Variants in ADGRB3 observed in about 807,000 individuals in gnomAD.
ADGRB3 encodes the protein adhesion G protein-coupled receptor B3, also known as brain-specific angiogenesis inhibitor 3.
Under a neutral mutation model 193.4 loss-of-function variants are expected in ADGRB3, and 37 were observed. The ratio of observed to expected loss-of-function variants is 0.19; its 90% CI spans 0.15 to 0.25. The LOEUF (loss-of-function observed/expected upper bound fraction) is 0.25. ADGRB3 is among the 10% of genes least tolerant of loss of function. ADGRB3 has a pLI of 1.00. For synonymous variants in ADGRB3, 690 were observed against 644.2 expected (o/e 1.07, Z -1.08); for missense variants, 1,637 against 1,852.9 (o/e 0.88, Z 2.14).
chr6:69,060,193 T>G (rs914190363), intron 15 of ADGRB3, among the ~76,000 whole-genome samples: 3 of 148,534 alleles, frequency 2.0e-5, no homozygotes, highest in African/African-American at 7.4e-5. Flanking sequence ...TCTTTCTCTC[T>G]CTCTCTTTCT....
chr6:69,363,137 C>A (rs1243454348), intron 29 of ADGRB3, among the ~76,000 whole-genome samples: 1 of 151,864 alleles, frequency 6.6e-6, no homozygotes, highest in Non-Finnish European at 1.5e-5. Flanking sequence ...CCAAGAACTT[C>A]TTTCTTCAGT....
At chr6:69,226,736 A>T (rs1302657619) in intron 17 of ADGRB3, among the ~76,000 whole-genome samples, 1 of 152,252 alleles carries the variant, frequency 6.6e-6, no homozygotes. Context: ...TGGTATAATT[A>T]AAGAGGCTGC....
At position 68,981,514 on chromosome 6, in the gene ADGRB3, T is replaced by C. The variant is rs932629785; in HGVS notation, c.1734+6174T>C. ...ATTATGCCTGTAAAACTTTCAATTG[T>C]ATTGACTTTATGTATTGTATTATAA... On this transcript the variant is annotated intron_variant, in intron 10 of 31. Coordinates refer to ENST00000370598, the MANE Select transcript of ADGRB3 (RefSeq NM_001704.3). 1.9e-4 allele frequency among the ~76,000 whole-genome samples: 29 copies of C among 151,702 alleles called. 1 individual carries two copies. Among genetic ancestry groups the C allele is most frequent in the Non-Finnish European group, 2.8e-4 (19 of 67,768 alleles).
intron 29 of ADGRB3, among the ~76,000 whole-genome samples, chr6:69,368,301 T>C (rs1453205674): frequency 1.3e-5 from 2 of 152,124 alleles, no homozygotes; most frequent in Admixed American, 1.3e-4. Context: ...GTCAGAAAGC[T>C]GCTGAAGTAA....
At chr6:68,867,412 T>G (rs1399942878) in intron 3 of ADGRB3, among the ~76,000 whole-genome samples, 1 of 152,132 alleles carries the variant, frequency 6.6e-6, no homozygotes, top group Non-Finnish European at 1.5e-5. Flanking sequence ...AGAGGATGTA[T>G]GGAAACACCT....
At chr6:68,897,845 AAAG>A (rs1766280680) in intron 3 of ADGRB3, among the ~76,000 whole-genome samples, 7 of 149,444 alleles carry the variant, frequency 4.7e-5, no homozygotes, top group South Asian at 4.2e-4. Context: ...AAAGAGAAAG[AAAG>A]AAGAAAACAA....
At chr6:69,119,459 G>C (rs1317495640) in intron 17 of ADGRB3, among the ~76,000 whole-genome samples, 1 of 152,190 alleles carries the variant, frequency 6.6e-6, no homozygotes, top group South Asian at 2.1e-4. Context: ...ATTATACAAG[G>C]TAATATGTGC....
chr6:68,848,728 G>A (rs1367000467), intron 3 of ADGRB3, among the ~76,000 whole-genome samples: 3 of 151,988 alleles, frequency 2.0e-5, no homozygotes, highest in Admixed American at 2.0e-4. Context: ...AGAGGAACAA[G>A]TAACGTAAGC....
At chr6:69,009,069 A>C (rs1320769205) in intron 11 of ADGRB3, among the ~76,000 whole-genome samples, 1 of 152,104 alleles carries the variant, frequency 6.6e-6, no homozygotes, top group Non-Finnish European at 1.5e-5. Context: ...CCTTACACAC[A>C]GTGGGCATGT....
At chr6:69,255,788 C>T (rs1766752780) in intron 20 of ADGRB3, among the ~76,000 whole-genome samples, 2 of 152,076 alleles carry the variant, frequency 1.3e-5, no homozygotes, top group Admixed American at 1.3e-4. Flanking sequence ...ATGCCTATGT[C>T]CTGAATGGTA....
At position 69,106,523 on chromosome 6, in the gene ADGRB3, G is replaced by C. The variant is rs1773220936; in HGVS notation, c.2480+30485G>C. Among the ~76,000 whole-genome samples the C allele has an allele frequency of 3.3e-5, 5 of 152,200 alleles. No homozygotes were observed. In the South Asian group the frequency reaches 1.0e-3, roughly 31 times the overall value. On this transcript the variant is annotated intron_variant, in intron 17 of 31. Coordinates refer to ENST00000370598, the MANE Select transcript of ADGRB3 (RefSeq NM_001704.3). Reference sequence around the variant, plus strand: ...AAGAAAGTAAATCACCTTTTGAAAAGTATCTAAGTAAGTAAAAGCTTTTGC... The same window carrying C: ...AAGAAAGTAAATCACCTTTTGAAAACTATCTAAGTAAGTAAAAGCTTTTGC...
intron 17 of ADGRB3, among the ~76,000 whole-genome samples, chr6:69,210,495 A>G (rs1765639325): frequency 6.6e-6 from 1 of 152,090 alleles, no homozygotes; most frequent in South Asian, 2.1e-4. Flanking sequence ...TCACAGACAC[A>G]TCCAGGATCA....
chr6:68,683,580 T>C (rs922657636), intron 3 of ADGRB3, among the ~76,000 whole-genome samples: 4 of 152,176 alleles, frequency 2.6e-5, no homozygotes, highest in Non-Finnish European at 5.9e-5. Flanking sequence ...TGTATTGCTT[T>C]ATATTAAGGA....
chr6:69,086,755 T>C (rs1477398937), intron 17 of ADGRB3, among the ~76,000 whole-genome samples: 1 of 152,176 alleles, frequency 6.6e-6, no homozygotes, highest in Admixed American at 6.5e-5. Flanking sequence ...TGATTAGACA[T>C]ATATCATTAT....
chr6:69,094,168 A>G (rs1259126193), intron 17 of ADGRB3, among the ~76,000 whole-genome samples: 1 of 152,156 alleles, frequency 6.6e-6, no homozygotes, highest in Non-Finnish European at 1.5e-5. Context: ...ACTGGACATG[A>G]GGCAGAGGGA....
intron 20 of ADGRB3, among the ~76,000 whole-genome samples, chr6:69,275,705 A>C (rs1017463218): frequency 1.3e-5 from 2 of 151,990 alleles, no homozygotes; most frequent in Non-Finnish European, 2.9e-5. Flanking sequence ...TAAAAAAAAA[A>C]CATTATATAT....
chr6:69,121,272 A>G (rs796750156), intron 17 of ADGRB3, among the ~76,000 whole-genome samples: 4 of 152,254 alleles, frequency 2.6e-5, no homozygotes, highest in African/African-American at 7.2e-5. Context: ...CCCTTAATCC[A>G]TTTAACCCTG....
At chr6:68,869,380 G>A (rs62416389) in intron 3 of ADGRB3, among the ~76,000 whole-genome samples, 14,239 of 152,142 alleles carry the variant, frequency 0.094, 886 homozygotes, top group Non-Finnish European at 0.13. Flanking sequence ...AATATCTTTA[G>A]TTGTTTTGAG....
chr6:69,298,764 T>A (rs1273656968), intron 20 of ADGRB3, among the ~76,000 whole-genome samples: 2 of 152,046 alleles, frequency 1.3e-5, no homozygotes, highest in Non-Finnish European at 2.9e-5. Flanking sequence ...TAATATGACT[T>A]TTTAAACTAT....
Sources: gnomAD v4.1 joint callset for allele counts (sites outside exome capture counted in the v4.1 genomes callset) on GRCh38, gnomAD v4.1.1 for gene constraint, MANE v1.5 for transcripts, NCBI Gene and HGNC (gene_info 2026-07-23, HGNC 2026-07-21) for gene names.